GRM6: variants seen among roughly 807,000 people sequenced by gnomAD.
GRM6 encodes glutamate metabotropic receptor 6.
A neutral mutation model predicts 78.4 loss-of-function variants in GRM6; 73 were observed. The ratio of observed to expected loss-of-function variants is 0.93; its 90% CI spans 0.77 to 1.13. GRM6 has a LOEUF of 1.13. Among genes scored for constraint, GRM6 ranks in the 50% most tolerant of loss-of-function variants. The pLI is 0.00. For synonymous variants in GRM6, 580 were observed against 555.0 expected (o/e 1.05, Z -0.63); for missense variants, 1,251 against 1,256.4 (o/e 1.00, Z 0.07).
Position 178,994,593 on chromosome 5 carries a change from G to C in GRM6, c.352C>G (p.Arg118Gly). The C allele has an allele frequency of 7.4e-7, 1 of 1,354,728 alleles. No homozygotes were observed. Among genetic ancestry groups the C allele is most frequent in the Non-Finnish European group, 9.5e-7 (1 of 1,056,628 alleles). The allele number at this position is 1,354,728 out of a possible 1,614,324, so 83.9% of individuals were successfully genotyped here. ...ACCTCGTCGCCGTCGCCGCGGCCGC[G>C]GATCAGCGCCTGCACGAAGCTCAGC... ...QALSFVQALI[R>G]GRGDGDEVGV... Residue 118 changes from arginine to glycine, a missense_variant, in exon 2 of 11, where the codon CGC becomes GGC. Coordinates refer to ENST00000517717, the MANE Select transcript of GRM6 (RefSeq NM_000843.4).
In GRM6 at chr5:178,992,929, G is replaced by GAA. The variant is rs1481315988; in HGVS notation, c.505-848_505-847dup. Among the ~76,000 whole-genome samples, 1 of 151,692 alleles carries GAA rather than the reference G, an allele frequency of 6.6e-6. No homozygotes were observed. The highest frequency in any genetic ancestry group is 2.4e-5 in the African/African-American group (1 of 41,266). The stretch of plus-strand genomic sequence containing the variant: ...AAGGAGAGAGGGAGAGAGAGAGAGA[G>GAA]AAACAACTGAGGAGACCGAGAGACG... On this transcript the variant is annotated intron_variant, in intron 2 of 10. Transcript: ENST00000517717. The surrounding 1 kb of genome is among the most constrained non-coding windows in gnomAD (Gnocchi z 4.9).
At chr5:178,987,400 A>G in intron 7 of GRM6, 1 of 460,444 alleles carries the variant, frequency 2.2e-6, no homozygotes, top group Non-Finnish European at 4.4e-6. Flanking sequence ...CACAAGATGA[A>G]AGCAACCCGA....
chr5:178,985,376 AG>A (rs745665956), intron 9 of GRM6: 1 of 386,294 alleles, frequency 2.6e-6, no homozygotes, highest in Non-Finnish European at 5.1e-6. Flanking sequence ...CTGTCACAGG[AG>A]GGGAGGGGCT....
intron 9 of GRM6, chr5:178,985,694 C>T (rs767461111): frequency 6.4e-5 from 24 of 374,094 alleles, no homozygotes; most frequent in African/African-American, 2.5e-4. Flanking sequence ...CACAGCGAGA[C>T]TCTGTCTAAA....
At chr5:178,985,446 G>A (rs1414535742) in intron 9 of GRM6, among the ~76,000 whole-genome samples, 1 of 151,388 alleles carries the variant, frequency 6.6e-6, no homozygotes, top group Non-Finnish European at 1.5e-5. Context: ...GCTCCCGCCT[G>A]TCATCCCAGC....
rs967626699 is a variant in GRM6, at chr5:178,994,849, A to G, written c.96T>C (p.Ser32=). Reference sequence around the variant, plus strand: ...GCGTCAGGCCGCCCGCCAGGCGCACAGAGCCCGCCGCGCGCGCCAGGCCCG... The same window carrying G: ...GCGTCAGGCCGCCCGCCAGGCGCACGGAGCCCGCCGCGCGCGCCAGGCCCG... The part of the protein sequence containing the change: ...AQAGLARAAG[S]VRLAGGLTLG... The change falls in exon 2 of 11, where the codon TCT becomes TCC. Residue 32 remains serine (S), a synonymous_variant. Coordinates refer to ENST00000517717, the MANE Select transcript of GRM6 (RefSeq NM_000843.4). 2.5e-5 allele frequency: 30 copies of G among 1,218,268 alleles called. No individual in the cohort carries two copies. In the African/African-American group the frequency reaches 4.2e-4, roughly 17 times the overall value. 75.5% of individuals were successfully genotyped at this position (1,218,268 alleles called of 1,614,324 possible).
At chr5:178,987,451 T>C (rs1213883598) in intron 7 of GRM6, 1 of 457,192 alleles carries the variant, frequency 2.2e-6, no homozygotes, top group Non-Finnish European at 4.4e-6. Flanking sequence ...GACGGGGCCA[T>C]TCACACAATG....
chr5:178,984,971 C>G (rs566579345), intron 9 of GRM6, among the ~76,000 whole-genome samples: 2 of 152,086 alleles, frequency 1.3e-5, no homozygotes, highest in South Asian at 4.1e-4. Context: ...ACATCCAGGG[C>G]GCCCCAGACT....
Position 178,986,367 on chromosome 5 carries a change from G to T in GRM6, c.1887C>A (p.Thr629=), listed in dbSNP as rs62638216. 1 of 1,613,982 alleles carries T rather than the reference G, an allele frequency of 6.2e-7. No individual in the cohort carries two copies. Among genetic ancestry groups the T allele is most frequent in the Non-Finnish European group, 8.5e-7 (1 of 1,180,032 alleles). Residue 629 remains threonine, a synonymous_variant, in exon 9 of 11, where the codon ACC becomes ACA. Transcript: ENST00000517717. ...SGRELSYVLL[T]GIFLIYAITF... ...TGATGGCGTAGATGAGGAAGATGCC[G>T]GTGAGGAGGACGTAGCTGAGCTCTC...
rs1401076952 is a variant in GRM6 at position 178,990,757 on chromosome 5, C to T, written c.858-11G>A. On this transcript the variant is annotated splice_polypyrimidine_tract_variant and intron_variant, in intron 4 of 10. Transcript: ENST00000517717. The stretch of plus-strand genomic sequence containing the variant: ...GCCTCCAGGACCCGCCTGGTAGGAG[C>T]AGGGCTGGGGTGAGGGAGGGCCTGG... 1.9e-5 allele frequency: 30 copies of T among 1,558,068 alleles called. No homozygotes were observed. The highest frequency in any genetic ancestry group is 2.6e-5 in the Non-Finnish European group (30 of 1,151,720).
intron 1 of GRM6, 34 bp from the exon 2 acceptor site, chr5:178,994,994 A>T: frequency 9.3e-7 from 1 of 1,071,498 alleles, no homozygotes; most frequent in African/African-American, 1.7e-5. Context: ...GAGCGCTCTG[A>T]GGGCGGGGGA....
In GRM6 at chr5:178,985,845, T is replaced by C. The variant is rs1321221683; in HGVS notation, c.2124+285A>G. The C allele has an allele frequency of 5.5e-6, 3 of 541,980 alleles. No individual in the cohort carries two copies. The Admixed American group carries it at 8.5e-5, about 15-fold the overall frequency. The allele number at this position is 541,980 out of a possible 1,614,324, so 33.6% of individuals were successfully genotyped here. ...GGTGCGATCTTGGCTCACAGCAACCTTCAACTCTTGGGCTCAAGCGATCCT... is the reference window on the plus strand; with the variant it reads ...GGTGCGATCTTGGCTCACAGCAACCCTCAACTCTTGGGCTCAAGCGATCCT... On this transcript the variant is annotated intron_variant, in intron 9 of 10. Coordinates refer to ENST00000517717, the MANE Select transcript of GRM6 (RefSeq NM_000843.4).
chr5:178,986,933 G>A lies in GRM6; in HGVS notation c.1405C>T (p.Arg469Trp), dbSNP rs202061203. The change falls in exon 8 of 11, where the codon CGG (arginine) becomes TGG (tryptophan). Residue 469 changes from arginine (R) to tryptophan (W), a missense_variant. Transcript: ENST00000517717. ...MFNENGDAPGRYDIFQYQATN... is the reference protein window; with the variant it reads ...MFNENGDAPGWYDIFQYQATN... ...GCCTGGTACTGGAAGATGTCGTACCGCCCGGGCGCATCTCCGTTCTCGTTG... is the reference window on the plus strand; with the variant it reads ...GCCTGGTACTGGAAGATGTCGTACCACCCGGGCGCATCTCCGTTCTCGTTG... 442 of 1,613,892 alleles carry A rather than the reference G, an allele frequency of 2.7e-4. No homozygotes were observed. Among genetic ancestry groups the A allele is most frequent in the East Asian group, 6.5e-4 (29 of 44,870 alleles).
intron 2 of GRM6, among the ~76,000 whole-genome samples, chr5:178,993,561 C>T (rs1160750056): frequency 6.6e-6 from 1 of 152,126 alleles, no homozygotes; most frequent in African/African-American, 2.4e-5. Flanking sequence ...TCTCAGGAAA[C>T]AGAAGTTCCT....
chr5:178,989,510 A>G (rs1234544538), intron 5 of GRM6, 105 bp from the exon 6 acceptor site: 2 of 1,433,052 alleles, frequency 1.4e-6, no homozygotes, highest in Non-Finnish European at 2.0e-6. Flanking sequence ...TGGCCAGGTG[A>G]GCTAGGAGTG....
chr5:178,981,413 G>GGTT lies in GRM6; in HGVS notation c.*243_*244insAAC. On this transcript the variant is annotated 3_prime_UTR_variant, in exon 11 of 11. Transcript: ENST00000517717. The surrounding 1 kb of genome is among the most constrained non-coding windows in gnomAD (Gnocchi z 5.1). ...TTTCTAGAGCTAGAACCTTCTCGGT[G>GGTT]GCTGTTTCCCACCATGGGAAGCGAG... The GGTT allele has an allele frequency of 1.8e-6, 1 of 543,854 alleles. No individual in the cohort carries two copies. The highest frequency in any genetic ancestry group is 3.3e-6 in the Non-Finnish European group (1 of 303,482). 33.7% of individuals were successfully genotyped at this position (543,854 alleles called of 1,614,324 possible). A position where few individuals can be genotyped will look rare whatever the true frequency, so the allele number is the denominator to read the frequency against.
In GRM6 at chr5:178,979,968, C is replaced by T. The variant is rs1760359055; in HGVS notation, c.*1689G>A. Reference sequence around the variant, plus strand: ...GGAATAAATAATTCTGGAAAGCATTCAGCAACAAATGAAACGTCCTAATGT... The same window carrying T: ...GGAATAAATAATTCTGGAAAGCATTTAGCAACAAATGAAACGTCCTAATGT... On this transcript the variant is annotated 3_prime_UTR_variant, in exon 11 of 11. Coordinates refer to ENST00000517717, the MANE Select transcript of GRM6 (RefSeq NM_000843.4). 2 of 154,392 alleles carry T rather than the reference C, an allele frequency of 1.3e-5. No homozygotes were observed. The highest frequency in any genetic ancestry group is 2.9e-5 in the Non-Finnish European group (2 of 68,230). 9.6% of individuals were successfully genotyped at this position (154,392 alleles called of 1,614,324 possible). A position where few individuals can be genotyped will look rare whatever the true frequency, so the allele number is the denominator to read the frequency against.
rs1487981165 is a variant in GRM6, at chr5:178,986,991, G to C, written c.1355-8C>G. 2 of 1,612,874 alleles carry C rather than the reference G, an allele frequency of 1.2e-6. No individual in the cohort carries two copies. Among genetic ancestry groups the C allele is most frequent in the Non-Finnish European group, 1.7e-6 (2 of 1,179,568 alleles). On this transcript the variant is annotated splice_polypyrimidine_tract_variant and splice_region_variant and intron_variant, in intron 7 of 10. Transcript: ENST00000517717. ...CAGGGGTTCCTGCGCTGCCTGGAGAGAGAGTCCGTCATCCTCGGTGGTCCT... is the reference window on the plus strand; with the variant it reads ...CAGGGGTTCCTGCGCTGCCTGGAGACAGAGTCCGTCATCCTCGGTGGTCCT...
chr5:178,990,780 T>A, intron 4 of GRM6, 34 bp from the exon 5 acceptor site: 1 of 1,536,074 alleles, frequency 6.5e-7, no homozygotes, highest in East Asian at 2.4e-5. Flanking sequence ...AGGGAGGGCC[T>A]GGGAGCCTCC....
Sources: gnomAD v4.1 joint callset for allele counts (sites outside exome capture counted in the v4.1 genomes callset) on GRCh38, gnomAD v4.1.1 for gene constraint, Gnocchi (gnomAD v3.1) non-coding constraint, MANE v1.5 for transcripts, NCBI Gene and HGNC (gene_info 2026-07-23, HGNC 2026-07-21) for gene names.